YPEL1: variants seen among roughly 807,000 people sequenced by gnomAD.
YPEL1 encodes the protein yippee like 1.
YPEL1 carries 7 observed loss-of-function variants against 17.3 expected under a neutral mutation model. The ratio of observed to expected loss-of-function variants is 0.40; its 90% CI spans 0.23 to 0.76. The LOEUF (loss-of-function observed/expected upper bound fraction) is 0.76, where lower values mean the gene tolerates loss of function less well. YPEL1 is among the 30% of genes least tolerant of loss of function. The pLI is 0.35. For missense variants in YPEL1, 91 were observed against 155.5 expected (o/e 0.59, Z 2.21); for synonymous variants, 59 against 59.6 (o/e 0.99, Z 0.05).
chr22:21,704,269 C>G (rs964329610), intron 2 of YPEL1: 3 of 697,258 alleles, frequency 4.3e-6, no homozygotes, highest in Non-Finnish European at 8.0e-6. Context: ...ATGCTCTCCT[C>G]GCCGCCTCTT....
At chr22:21,713,846 C>T (rs554992199) in intron 1 of YPEL1, among the ~76,000 whole-genome samples, 45 of 152,308 alleles carry the variant, frequency 3.0e-4, no homozygotes, top group African/African-American at 1.0e-3. Flanking sequence ...AGCAACAGGA[C>T]GTGCGCCAAG....
At chr22:21,730,849 C>CA (rs1451124443) in intron 1 of YPEL1, among the ~76,000 whole-genome samples, 1 of 152,246 alleles carries the variant, frequency 6.6e-6, no homozygotes, top group Non-Finnish European at 1.5e-5. Flanking sequence ...CTGGCTCCTC[C>CA]ATTGCCCAGT....
At chr22:21,730,077 G>A (rs139783838) in intron 1 of YPEL1, among the ~76,000 whole-genome samples, 2,502 of 151,712 alleles carry the variant, frequency 0.016, 64 homozygotes, top group African/African-American at 0.056. Context: ...GCTTGAACCC[G>A]GGAGGCAGAG....
intron 4 of YPEL1, among the ~76,000 whole-genome samples, chr22:21,702,845 G>A (rs909210851): frequency 1.3e-5 from 2 of 152,212 alleles, no homozygotes; most frequent in African/African-American, 4.8e-5. Context: ...GCCATGTGGT[G>A]GAGAGAGAAG....
chr22:21,717,459 A>C (rs1414253400), intron 1 of YPEL1, among the ~76,000 whole-genome samples: 3 of 152,058 alleles, frequency 2.0e-5, no homozygotes, highest in Non-Finnish European at 2.9e-5. Context: ...GGGAGAGATG[A>C]CATTTATTTG....
intron 1 of YPEL1, among the ~76,000 whole-genome samples, chr22:21,714,401 C>T (rs2068201321): frequency 6.6e-6 from 1 of 152,172 alleles, no homozygotes; most frequent in Non-Finnish European, 1.5e-5. Flanking sequence ...CCCTGAGCCA[C>T]ACTGCTGCGT....
chr22:21,721,425 CTTTTTTTTTT>C (rs55953362), intron 1 of YPEL1, among the ~76,000 whole-genome samples: 121,350 of 149,670 alleles, frequency 0.81, 49,543 homozygotes, highest in Non-Finnish European at 0.87. Flanking sequence ...GCCTTTTTTT[CTTTTTTTTTT>C]TTTTTTGAGA....
At chr22:21,713,058 A>C (rs1231996024) in intron 1 of YPEL1, among the ~76,000 whole-genome samples, 3 of 152,174 alleles carry the variant, frequency 2.0e-5, no homozygotes, top group Non-Finnish European at 4.4e-5. Context: ...GACCACGTTG[A>C]GACACCACCA....
At chr22:21,710,144 T>C (rs1175796797) in intron 2 of YPEL1, among the ~76,000 whole-genome samples, 1 of 152,158 alleles carries the variant, frequency 6.6e-6, no homozygotes, top group African/African-American at 2.4e-5. Context: ...ATGGGTTCTA[T>C]GCACAGAGAC....
intron 1 of YPEL1, among the ~76,000 whole-genome samples, chr22:21,716,939 AT>A (rs988192898): frequency 1.2e-4 from 18 of 152,344 alleles, no homozygotes; most frequent in African/African-American, 4.1e-4. Flanking sequence ...GAGAAAAAAA[AT>A]GACCTTGCAG....
intron 1 of YPEL1, among the ~76,000 whole-genome samples, chr22:21,731,505 A>T (rs2068385640): frequency 6.6e-6 from 1 of 151,018 alleles, no homozygotes; most frequent in South Asian, 2.1e-4. Context: ...CTCATCAGAC[A>T]TTAAAGGCCC....
At chr22:21,710,230 C>T (rs1407948033) in intron 2 of YPEL1, among the ~76,000 whole-genome samples, 3 of 152,166 alleles carry the variant, frequency 2.0e-5, no homozygotes, top group Non-Finnish European at 2.9e-5. Context: ...TTCTGAGCAA[C>T]CCCTTTCCTT....
chr22:21,731,906 G>T (rs2068390810), intron 1 of YPEL1, among the ~76,000 whole-genome samples: 1 of 152,190 alleles, frequency 6.6e-6, no homozygotes, highest in Non-Finnish European at 1.5e-5. Context: ...TGTCTGACCA[G>T]GGCCTTACGG....
intron 1 of YPEL1, among the ~76,000 whole-genome samples, chr22:21,717,814 A>C (rs961955343): frequency 1.3e-5 from 2 of 152,234 alleles, no homozygotes; most frequent in African/African-American, 4.8e-5. Flanking sequence ...TTTTACATTC[A>C]GTGAAAATAT....
At chr22:21,705,166 A>G (rs77201968) in intron 2 of YPEL1, among the ~76,000 whole-genome samples, 4,243 of 152,238 alleles carry the variant, frequency 0.028, 86 homozygotes, top group Admixed American at 0.044. Context: ...TATTTTAGAG[A>G]TAGGGTTTCG....
intron 2 of YPEL1, chr22:21,704,215 A>G (rs2068095130): frequency 1.4e-6 from 1 of 715,080 alleles, no homozygotes; most frequent in Non-Finnish European, 2.6e-6. Context: ...CTGAGAGGGG[A>G]TCACGAATGA....
rs575587815 is a variant in YPEL1 at position 21,698,770 on chromosome 22, G to C, written c.*2359C>G. On this transcript the variant is annotated 3_prime_UTR_variant, in exon 5 of 5. Transcript: ENST00000339468. The stretch of plus-strand genomic sequence containing the variant: ...CCTCTTCAGGCTTGAGACCATGGCA[G>C]CAAGAGCCCTGCAGCGTGCAGTGAC... 2.0e-5 allele frequency: 3 copies of C among 152,536 alleles called. No individual in the cohort carries two copies. The highest frequency in any genetic ancestry group is 4.4e-5 in the Non-Finnish European group (3 of 68,064). 9.4% of individuals were successfully genotyped at this position (152,536 alleles called of 1,614,324 possible).
At position 21,704,118 on chromosome 22, in the gene YPEL1, G is replaced by A. The variant is rs752498362; in HGVS notation, c.118-236C>T. The A allele has an allele frequency of 5.6e-6, 4 of 718,614 alleles. No homozygotes were observed. In the South Asian group the frequency reaches 5.9e-5, roughly 11 times the overall value. 44.5% of individuals were successfully genotyped at this position (718,614 alleles called of 1,614,324 possible). A position where few individuals can be genotyped will look rare whatever the true frequency, so the allele number is the denominator to read the frequency against. On this transcript the variant is annotated intron_variant, in intron 2 of 4. Transcript: ENST00000339468. ...GCTGATTCTGCTGCGTCAACATTCTGCAAGTGACTATTATTGGGAATCATG... is the reference window on the plus strand; with the variant it reads ...GCTGATTCTGCTGCGTCAACATTCTACAAGTGACTATTATTGGGAATCATG...
At chr22:21,723,026 G>GT (rs1405173118) in intron 1 of YPEL1, 2 of 151,944 alleles carry the variant, frequency 1.3e-5, no homozygotes, top group Admixed American at 6.6e-5. Flanking sequence ...CAACCTGGTG[G>GT]TCCCCTGCTC....
Sources: gnomAD v4.1 joint callset for allele counts (sites outside exome capture counted in the v4.1 genomes callset) on GRCh38, gnomAD v4.1.1 for gene constraint, MANE v1.5 for transcripts, NCBI Gene and HGNC (gene_info 2026-07-23, HGNC 2026-07-21) for gene names.